Variants in BIRC6 observed in about 807,000 individuals in gnomAD.
The protein encoded by BIRC6 is dual E2 ubiquitin-conjugating enzyme/E3 ubiquitin-protein ligase BIRC6.
Under a neutral mutation model 503.3 loss-of-function variants are expected in BIRC6, and 98 were observed. That is an observed-to-expected ratio of 0.19 (90% CI 0.17 to 0.23). The LOEUF (loss-of-function observed/expected upper bound fraction) is 0.23. Among genes scored for constraint, BIRC6 ranks in the 10% least tolerant of loss-of-function variants. The probability of loss-of-function intolerance (pLI) is 1.00; values close to 1 mark genes in which losing one functional copy is unlikely to be tolerated. For missense variants in BIRC6, 5,360 were observed against 5,806.0 expected (o/e 0.92, Z 2.50); for synonymous variants, 2,240 against 2,078.7 (o/e 1.08, Z -2.11).
In BIRC6 at chr2:32,490,079, C is replaced by T; in HGVS notation, c.8134C>T (p.Pro2712Ser). ...TSFLTVLAWY[P>S]NTLLRTWCLV... ...CTTTCTCACAGTGTTAGCTTGGTAT[C>T]CCAATACTTTGCTCCGGACATGGTG... is the stretch of plus-strand genomic sequence containing the variant. Residue 2712 changes from proline to serine, a missense_variant, in exon 43 of 74, where the codon CCC (proline) becomes TCC (serine). By Grantham distance (74) the Pro-to-Ser change is moderately conservative. Coordinates refer to ENST00000421745, the MANE Select transcript of BIRC6 (RefSeq NM_016252.4). 1.9e-6 allele frequency: 3 copies of T among 1,613,428 alleles called. No homozygotes were observed. The highest frequency in any genetic ancestry group is 2.5e-6 in the Non-Finnish European group (3 of 1,179,396).
chr2:32,592,345 C>T (rs933918671), intron 66 of BIRC6, among the ~76,000 whole-genome samples: 1 of 152,188 alleles, frequency 6.6e-6, no homozygotes, highest in African/African-American at 2.4e-5. Flanking sequence ...AGTCAGGTGA[C>T]ATAAGTTTTT....
At chr2:32,436,316 G>T in intron 15 of BIRC6, 132 bp downstream of exon 15, 1 of 762,224 alleles carries the variant, frequency 1.3e-6, no homozygotes. Flanking sequence ...CAGTTTTCTG[G>T]TAGCTGAGGT....
rs1208069035 is a variant in BIRC6 at position 32,468,536 on chromosome 2, A to G, written c.5880A>G (p.Pro1960=). The part of the protein sequence containing the change: ...ANNAQYFLRK[P]DKAVEEDSRV... ...ATGCACAGTACTTTTTACGAAAACCAGATAAGGCAGTTGAGGAAGACAGTA... is the reference window on the plus strand; with the variant it reads ...ATGCACAGTACTTTTTACGAAAACCGGATAAGGCAGTTGAGGAAGACAGTA... Residue 1960 remains proline (P), a synonymous_variant, in exon 29 of 74, where the codon CCA becomes CCG. Coordinates refer to ENST00000421745, the MANE Select transcript of BIRC6 (RefSeq NM_016252.4). 1 of 1,614,008 alleles carries G rather than the reference A, an allele frequency of 6.2e-7. No homozygotes were observed. Among genetic ancestry groups the G allele is most frequent in the South Asian group, 1.1e-5 (1 of 91,082 alleles).
At chr2:32,421,300 T>G (rs2042934612) in intron 10 of BIRC6, among the ~76,000 whole-genome samples, 1 of 151,876 alleles carries the variant, frequency 6.6e-6, no homozygotes, top group South Asian at 2.1e-4. Context: ...AGAGACAGGG[T>G]CTCACCACGT....
At chr2:32,570,223 G>A (rs1010419312) in intron 65 of BIRC6, among the ~76,000 whole-genome samples, 1 of 152,144 alleles carries the variant, frequency 6.6e-6, no homozygotes, top group East Asian at 1.9e-4. Context: ...GGATTTGTGT[G>A]TGTTGAACCA....
chr2:32,488,800 C>A, intron 42 of BIRC6, 86 bp downstream of exon 42: 1 of 965,894 alleles, frequency 1.0e-6, no homozygotes, highest in Non-Finnish European at 1.5e-6. Context: ...TAATCTTTGT[C>A]ATTAGGGGTT....
intron 67 of BIRC6, 113 bp from the exon 68 acceptor site, chr2:32,594,921 C>A: frequency 1.7e-6 from 1 of 596,872 alleles, no homozygotes; most frequent in Non-Finnish European, 2.7e-6. Flanking sequence ...AAGAAGTTGA[C>A]AATTTTTTGG....
At chr2:32,532,302 C>A in intron 61 of BIRC6, 1 of 474,946 alleles carries the variant, frequency 2.1e-6, no homozygotes, top group African/African-American at 2.0e-5. Flanking sequence ...AGTCTGAAAT[C>A]AAGATATCAG....
chr2:32,398,699 A>G (rs940116989), intron 6 of BIRC6, among the ~76,000 whole-genome samples: 2 of 152,130 alleles, frequency 1.3e-5, no homozygotes, highest in African/African-American at 2.4e-5. Context: ...TTTAAAATTG[A>G]TGTGGGTCTT....
intron 1 of BIRC6, among the ~76,000 whole-genome samples, chr2:32,376,530 T>C (rs1360500166): frequency 2.6e-5 from 4 of 152,234 alleles, no homozygotes; most frequent in African/African-American, 4.8e-5. Flanking sequence ...TCAAATAGAC[T>C]AATATCTACA....
intron 6 of BIRC6, among the ~76,000 whole-genome samples, chr2:32,398,749 A>G (rs867331470): frequency 6.6e-6 from 1 of 152,164 alleles, no homozygotes; most frequent in Non-Finnish European, 1.5e-5. Flanking sequence ...TTATATAAAT[A>G]AAATTTTATT....
chr2:32,473,263 T>A (rs1054821965), intron 33 of BIRC6, 24 bp downstream of exon 33: 15 of 1,497,656 alleles, frequency 1.0e-5, no homozygotes, highest in Non-Finnish European at 3.6e-6. Context: ...TATTTAAAAA[T>A]TTTTAATGTT....
chr2:32,374,438 C>G lies in BIRC6; in HGVS notation c.326-3150C>G, dbSNP rs896725631. Among the ~76,000 whole-genome samples, 5 of 152,070 alleles carry G rather than the reference C, an allele frequency of 3.3e-5. No homozygotes were observed. In the East Asian group the frequency reaches 5.8e-4, roughly 18 times the overall value. On this transcript the variant is annotated intron_variant, in intron 1 of 73. Coordinates refer to ENST00000421745, the MANE Select transcript of BIRC6 (RefSeq NM_016252.4). ...CTCAGTGTCCGAGTAGCTAGAACCA[C>G]AGGTGTGTGCCACTACACCTGGCTA...
In BIRC6 at chr2:32,471,044, T is replaced by C. The variant is rs199792804; in HGVS notation, c.6512T>C (p.Val2171Ala). The change falls in exon 32 of 74, where the codon GTT becomes GCT. Residue 2171 changes from valine to alanine, a missense_variant. By Grantham distance (64) the Val-to-Ala change is moderately conservative. This residue lies in a region of BIRC6 where 2,299 missense variants were observed against 2,267.2 expected (regional missense o/e 1.01). Transcript: ENST00000421745. The stretch of plus-strand genomic sequence containing the variant: ...CTAGATATTCCCATGATCAGTTGGG[T>C]TGTTATGCTGGTGTCCAGGTTGCTG... Reference protein sequence around the residue: ...GVLDIPMISWVVMLVSRLLDY... With the variant: ...GVLDIPMISWAVMLVSRLLDY... 6.3e-7 allele frequency: 1 copy of C among 1,579,766 alleles called. No individual in the cohort carries two copies. Among genetic ancestry groups the C allele is most frequent in the Non-Finnish European group, 8.6e-7 (1 of 1,160,670 alleles).
chr2:32,497,680 T>G (rs2052633979), intron 45 of BIRC6, among the ~76,000 whole-genome samples: 1 of 152,220 alleles, frequency 6.6e-6, no homozygotes, highest in South Asian at 2.1e-4. Context: ...CCTTCATTTC[T>G]GATGTTGGTA....
intron 46 of BIRC6, 119 bp downstream of exon 46, chr2:32,500,228 C>T: frequency 1.1e-6 from 1 of 878,828 alleles, no homozygotes; most frequent in South Asian, 1.9e-5. Flanking sequence ...TTAAGCTTTT[C>T]ATGACTGATT....
chr2:32,391,973 G>T (rs2039288305), intron 4 of BIRC6, 66 bp from the exon 5 acceptor site: 6 of 1,090,672 alleles, frequency 5.5e-6, no homozygotes, highest in Admixed American at 5.4e-5. Flanking sequence ...TTTTTGCATT[G>T]TTAAATAGAA....
chr2:32,399,913 G>A (rs2040415786), intron 6 of BIRC6, among the ~76,000 whole-genome samples: 1 of 151,956 alleles, frequency 6.6e-6, no homozygotes, highest in Admixed American at 6.6e-5. Flanking sequence ...TGAGTCTCCC[G>A]AGTAGCTGGG....
chr2:32,361,009 C>T (rs370985882), intron 1 of BIRC6, among the ~76,000 whole-genome samples: 1 of 152,174 alleles, frequency 6.6e-6, no homozygotes, highest in Non-Finnish European at 1.5e-5. Context: ...TAGCCTCTGC[C>T]TCCTTGGCTC....
Sources: gnomAD v4.1 joint callset for allele counts (sites outside exome capture counted in the v4.1 genomes callset) on GRCh38, gnomAD v4.1.1 for gene constraint, gnomAD v4.1.1 regional missense constraint, MANE v1.5 for transcripts, NCBI Gene and HGNC (gene_info 2026-07-23, HGNC 2026-07-21) for gene names.